Variants in SLC30A8 observed in about 807,000 individuals in gnomAD.
The protein encoded by SLC30A8 is solute carrier family 30 member 8.
A neutral mutation model predicts 36.9 loss-of-function variants in SLC30A8; 27 were observed. The ratio of observed to expected loss-of-function variants is 0.73; its 90% CI spans 0.54 to 1.01. The LOEUF (loss-of-function observed/expected upper bound fraction) is 1.01. Among genes scored for constraint, SLC30A8 ranks in the 50% least tolerant of loss-of-function variants. SLC30A8 has a pLI of 0.00. For missense variants in SLC30A8, 439 were observed against 452.0 expected, an observed-to-expected ratio of 0.97 and a Z score of 0.26; for synonymous variants, 164 against 172.4, an observed-to-expected ratio of 0.95 and a Z score of 0.38.
At chr8:117,042,396 A>G (rs1365847230) in intron 2 of SLC30A8, among the ~76,000 whole-genome samples, 1 of 152,196 alleles carries the variant, frequency 6.6e-6, no homozygotes, top group East Asian at 1.9e-4. Context: ...CAGGAAATGG[A>G]CCATAATTAA....
At chr8:117,092,539 G>A (rs180777980) in intron 2 of SLC30A8, among the ~76,000 whole-genome samples, 1 of 152,230 alleles carries the variant, frequency 6.6e-6, no homozygotes, top group East Asian at 1.9e-4. Flanking sequence ...ATGATTACTA[G>A]ACTAATGATG....
intron 2 of SLC30A8, among the ~76,000 whole-genome samples, chr8:117,042,461 A>T (rs892413797): frequency 1.3e-5 from 2 of 152,042 alleles, no homozygotes; most frequent in Non-Finnish European, 2.9e-5. Context: ...ATCAGACTGG[A>T]TTTTGCAGAC....
chr8:117,170,297 G>A (rs1181162278), intron 6 of SLC30A8, among the ~76,000 whole-genome samples: 2 of 152,226 alleles, frequency 1.3e-5, no homozygotes, highest in South Asian at 2.1e-4. Context: ...TGGAGTCGTG[G>A]TACATTTATT....
intron 2 of SLC30A8, among the ~76,000 whole-genome samples, chr8:117,063,148 G>A (rs1818071065): frequency 6.6e-6 from 1 of 152,138 alleles, no homozygotes; most frequent in Admixed American, 6.5e-5. Flanking sequence ...ATTTATTCTT[G>A]GCAGAATTGC....
At chr8:117,089,654 G>A (rs1013702308) in intron 2 of SLC30A8, among the ~76,000 whole-genome samples, 13 of 152,278 alleles carry the variant, frequency 8.5e-5, no homozygotes, top group Admixed American at 3.9e-4. Context: ...TATACTAGCT[G>A]TCTGCAATGT....
At chr8:117,132,890 G>T (rs912052162), upstream of SLC30A8, among the ~76,000 whole-genome samples, 1 of 151,924 alleles carries the variant, frequency 6.6e-6, no homozygotes. Flanking sequence ...AACTTTTTAA[G>T]CATAATTTTA....
intron 1 of SLC30A8, among the ~76,000 whole-genome samples, chr8:117,010,860 A>C (rs1490363057): frequency 6.6e-6 from 1 of 152,198 alleles, no homozygotes; most frequent in Non-Finnish European, 1.5e-5. Context: ...TTAAACAACC[A>C]GCTCTTGTGA....
At chr8:117,099,542 AG>A (rs1240023800) in intron 2 of SLC30A8, among the ~76,000 whole-genome samples, 2 of 152,192 alleles carry the variant, frequency 1.3e-5, no homozygotes, top group Non-Finnish European at 2.9e-5. Context: ...AAGTCTAGGA[AG>A]GGTCAACCAA....
chr8:117,141,537 T>C (rs778037845), intron 1 of SLC30A8, among the ~76,000 whole-genome samples: 16 of 152,134 alleles, frequency 1.1e-4, no homozygotes, highest in Non-Finnish European at 1.8e-4. Flanking sequence ...ATGAAAAACT[T>C]GCAGCTCATA....
intron 2 of SLC30A8, among the ~76,000 whole-genome samples, chr8:117,110,178 C>T (rs2130877168): frequency 6.6e-6 from 1 of 152,084 alleles, no homozygotes; most frequent in East Asian, 1.9e-4. Context: ...TGATGTTTGG[C>T]GTGGGCCCCA....
intron 1 of SLC30A8, among the ~76,000 whole-genome samples, chr8:116,956,269 A>G (rs1375418877): frequency 2.0e-5 from 3 of 152,200 alleles, no homozygotes; most frequent in Non-Finnish European, 4.4e-5. Flanking sequence ...GGCAGGCAGC[A>G]GAGGGGTTCA....
At chr8:116,986,521 C>T (rs1419334889) in intron 1 of SLC30A8, among the ~76,000 whole-genome samples, 4 of 152,110 alleles carry the variant, frequency 2.6e-5, no homozygotes, top group African/African-American at 4.8e-5. Flanking sequence ...AATTAAAAGC[C>T]GGATCAAATA....
At chr8:117,171,931 G>A (rs995157618) in intron 7 of SLC30A8, among the ~76,000 whole-genome samples, 3 of 152,070 alleles carry the variant, frequency 2.0e-5, no homozygotes, top group Admixed American at 6.6e-5. Flanking sequence ...TCATCTTCTC[G>A]AAGGGGCTTA....
intron 2 of SLC30A8, among the ~76,000 whole-genome samples, chr8:117,100,124 T>A (rs1443815028): frequency 6.6e-6 from 1 of 152,204 alleles, no homozygotes; most frequent in African/African-American, 2.4e-5. Flanking sequence ...TAATAACAAT[T>A]ATCTACTATT....
chr8:117,007,861 T>G (rs1261064441), intron 1 of SLC30A8, among the ~76,000 whole-genome samples: 1 of 152,194 alleles, frequency 6.6e-6, no homozygotes, highest in African/African-American at 2.4e-5. Flanking sequence ...TATCTTTTAA[T>G]ATATTAAAAA....
At chr8:117,119,512 T>A (rs956387399) in intron 2 of SLC30A8, among the ~76,000 whole-genome samples, 1 of 151,876 alleles carries the variant, frequency 6.6e-6, no homozygotes, top group African/African-American at 2.4e-5. Context: ...CTACATTCTT[T>A]TAGGAATTAT....
At chr8:117,052,482 G>A (rs1306647937) in intron 2 of SLC30A8, among the ~76,000 whole-genome samples, 1 of 152,166 alleles carries the variant, frequency 6.6e-6, no homozygotes, top group Non-Finnish European at 1.5e-5. Context: ...CATTTTTTAG[G>A]TACAGTTTTA....
intron 1 of SLC30A8, among the ~76,000 whole-genome samples, chr8:117,017,418 A>G (rs1374532434): frequency 6.6e-6 from 1 of 152,180 alleles, no homozygotes; most frequent in Non-Finnish European, 1.5e-5. Flanking sequence ...TTGCAACAGC[A>G]TTTCATTTCT....
chr8:117,021,761 A>G (rs1816702295), intron 1 of SLC30A8, among the ~76,000 whole-genome samples: 2 of 152,216 alleles, frequency 1.3e-5, no homozygotes, highest in South Asian at 2.1e-4. Context: ...GACATGTATT[A>G]TACAACAATA....
Sources: gnomAD v4.1 joint callset for allele counts (sites outside exome capture counted in the v4.1 genomes callset) on GRCh38, gnomAD v4.1.1 for gene constraint, MANE v1.5 for transcripts, NCBI Gene and HGNC (gene_info 2026-07-23, HGNC 2026-07-21) for gene names.